Variants in CCSER1 observed in about 807,000 individuals in gnomAD.
CCSER1 encodes coiled-coil serine rich protein 1.
Under a neutral mutation model 82.0 loss-of-function variants are expected in CCSER1, and 41 were observed. The ratio of observed to expected loss-of-function variants is 0.50; its 90% CI spans 0.39 to 0.65. The LOEUF (loss-of-function observed/expected upper bound fraction) is 0.65. Ranked by LOEUF, CCSER1 falls within the 30% of genes least tolerant of loss-of-function variation. CCSER1 has a pLI of 0.00. For missense variants in CCSER1, 1,119 were observed against 1,064.2 expected (o/e 1.05, Z -0.72); for synonymous variants, 414 against 383.9 (o/e 1.08, Z -0.92).
intron 1 of CCSER1, among the ~76,000 whole-genome samples, chr4:90,247,745 A>G (rs993022096): frequency 6.6e-6 from 1 of 152,024 alleles, no homozygotes; most frequent in Non-Finnish European, 1.5e-5. Context: ...TATCTGGGCT[A>G]TTAAATGAAT....
At chr4:90,378,249 G>C (rs986584303) in intron 3 of CCSER1, among the ~76,000 whole-genome samples, 5 of 152,082 alleles carry the variant, frequency 3.3e-5, no homozygotes, top group African/African-American at 7.2e-5. Flanking sequence ...ATCTATACCT[G>C]TCTTGGAAAC....
Position 91,145,817 on chromosome 4 carries a change from T to C in CCSER1, c.2217+59823T>C, listed in dbSNP as rs138544333. 1.9e-3 allele frequency among the ~76,000 whole-genome samples: 286 copies of C among 152,288 alleles called. 3 individuals are homozygous for C. Among genetic ancestry groups the C allele is most frequent in the African/African-American group, 6.5e-3 (272 of 41,548 alleles). On this transcript the variant is annotated intron_variant, in intron 10 of 10. Coordinates refer to ENST00000509176, the MANE Select transcript of CCSER1 (RefSeq NM_001145065.2). The stretch of plus-strand genomic sequence containing the variant: ...GGCTTTTAAGGTTCAAGCCAAGGTG[T>C]CAACTGTTAGCCTAATATGTTTCCC...
At chr4:90,911,659 C>T (rs1366480954) in intron 8 of CCSER1, among the ~76,000 whole-genome samples, 1 of 152,156 alleles carries the variant, frequency 6.6e-6, no homozygotes, top group East Asian at 1.9e-4. Context: ...GCGCACCAAG[C>T]ATGAGCTGAA....
rs1372579367 is a variant in CCSER1, at chr4:91,496,800, G to C, written c.2218-101772G>C. Among the ~76,000 whole-genome samples the C allele has an allele frequency of 3.6e-4, 19 of 52,976 alleles. 3 individuals carry two copies. In the Admixed American group the frequency reaches 3.9e-3, roughly 11 times the overall value. 34.8% of individuals were successfully genotyped at this position (52,976 alleles called of 152,430 possible). On this transcript the variant is annotated intron_variant, in intron 10 of 10. Transcript: ENST00000509176. The stretch of plus-strand genomic sequence containing the variant: ...TTGAATATATATTGAATATATATTT[G>C]AATATATATATATTCAATATATATT...
At chr4:91,382,793 G>A (rs993673574) in intron 10 of CCSER1, among the ~76,000 whole-genome samples, 7 of 152,054 alleles carry the variant, frequency 4.6e-5, no homozygotes, top group East Asian at 1.9e-4. Context: ...CGTCTTCTGC[G>A]TCGCTCATGC....
chr4:91,340,640 T>C (rs931093737), intron 10 of CCSER1, among the ~76,000 whole-genome samples: 5 of 152,188 alleles, frequency 3.3e-5, no homozygotes, highest in African/African-American at 1.2e-4. Flanking sequence ...CTATCTTCTA[T>C]CATACTTTGA....
intron 10 of CCSER1, among the ~76,000 whole-genome samples, chr4:91,471,664 C>T (rs1757281432): frequency 6.6e-6 from 1 of 152,100 alleles, no homozygotes; most frequent in African/African-American, 2.4e-5. Context: ...GAGGTACCTA[C>T]AGCATTAAGC....
At chr4:90,471,700 A>G (rs116530066) in intron 5 of CCSER1, among the ~76,000 whole-genome samples, 2,407 of 151,860 alleles carry the variant, frequency 0.016, 40 homozygotes, top group African/African-American at 0.047. Flanking sequence ...ATAGGGCTGG[A>G]CGTGGTGACT....
rs552157286 is a variant in CCSER1, at chr4:91,273,022, GT to G, written c.2217+187029del. On this transcript the variant is annotated intron_variant, in intron 10 of 10. Coordinates refer to ENST00000509176, the MANE Select transcript of CCSER1 (RefSeq NM_001145065.2). ...GCCTTATAGTATAGTTTGAAATCGGGTAATGTGATGCCTCCAGATATGTTCT... is the reference window on the plus strand; with the variant it reads ...GCCTTATAGTATAGTTTGAAATCGGGAATGTGATGCCTCCAGATATGTTCT... Among the ~76,000 whole-genome samples, 36 of 152,222 alleles carry G rather than the reference GT, an allele frequency of 2.4e-4. 1 individual carries two copies. In the East Asian group the frequency reaches 6.8e-3, roughly 29 times the overall value.
chr4:90,416,020 A>C (rs1160802262), intron 4 of CCSER1, among the ~76,000 whole-genome samples: 1 of 152,180 alleles, frequency 6.6e-6, no homozygotes, highest in Non-Finnish European at 1.5e-5. Flanking sequence ...GCTTCAGGGT[A>C]GGGAAATGGA....
At chr4:91,364,569 A>G (rs1749476769) in intron 10 of CCSER1, among the ~76,000 whole-genome samples, 1 of 151,632 alleles carries the variant, frequency 6.6e-6, no homozygotes, top group Non-Finnish European at 1.5e-5. Flanking sequence ...TCTCAACTGT[A>G]TGATATTATA....
At chr4:90,398,080 C>G (rs578142322) in intron 3 of CCSER1, among the ~76,000 whole-genome samples, 1 of 152,106 alleles carries the variant, frequency 6.6e-6, no homozygotes, top group African/African-American at 2.4e-5. Flanking sequence ...CTCCTGAGGC[C>G]TCTCTCCTTG....
intron 6 of CCSER1, among the ~76,000 whole-genome samples, chr4:90,673,382 A>T (rs1219212639): frequency 6.6e-6 from 1 of 151,954 alleles, no homozygotes; most frequent in Non-Finnish European, 1.5e-5. Flanking sequence ...AGAATATCTT[A>T]CTTCTATGGA....
intron 5 of CCSER1, among the ~76,000 whole-genome samples, chr4:90,488,023 T>C (rs1019540766): frequency 1.1e-4 from 16 of 152,286 alleles, no homozygotes; most frequent in African/African-American, 3.9e-4. Context: ...TTGAACAGTC[T>C]TGAATGTTCA....
intron 10 of CCSER1, among the ~76,000 whole-genome samples, chr4:91,333,417 A>G (rs776545511): frequency 1.3e-5 from 2 of 152,060 alleles, no homozygotes; most frequent in Non-Finnish European, 2.9e-5. Context: ...AGCTATCTGT[A>G]AAACACTCTT....
intron 1 of CCSER1, among the ~76,000 whole-genome samples, chr4:90,302,650 A>G (rs1281737690): frequency 2.0e-5 from 3 of 152,046 alleles, no homozygotes; most frequent in African/African-American, 4.8e-5. Context: ...AATTTTTTTT[A>G]AAGTTAATTG....
chr4:91,139,477 G>C (rs1165366318), intron 10 of CCSER1, among the ~76,000 whole-genome samples: 1 of 152,042 alleles, frequency 6.6e-6, no homozygotes, highest in Non-Finnish European at 1.5e-5. Flanking sequence ...GCTGCGATTT[G>C]CATTTTTCTC....
At chr4:90,999,058 C>A (rs1737765109) in intron 9 of CCSER1, among the ~76,000 whole-genome samples, 1 of 152,104 alleles carries the variant, frequency 6.6e-6, no homozygotes, top group East Asian at 1.9e-4. Context: ...CTGCAAAGGA[C>A]ATGATTTCAT....
chr4:90,690,768 A>G (rs1457760151), intron 6 of CCSER1, among the ~76,000 whole-genome samples: 3 of 151,998 alleles, frequency 2.0e-5, no homozygotes, highest in African/African-American at 7.2e-5. Context: ...TTAAGTTAGT[A>G]TGTGTGATTT....
Sources: allele counts gnomAD v4.1 joint callset (sites outside exome capture counted in the v4.1 genomes callset), GRCh38; gene constraint gnomAD v4.1.1; transcripts MANE v1.5; gene names NCBI Gene and HGNC (gene_info 2026-07-23, HGNC 2026-07-21).